Variants in IFT52 observed in about 807,000 individuals in gnomAD.
IFT52 encodes the protein intraflagellar transport protein 52 homolog.
In IFT52, 44 loss-of-function variants were observed where a neutral mutation model predicts 54.4. That is an observed-to-expected ratio of 0.81 (90% CI 0.63 to 1.04). The LOEUF (loss-of-function observed/expected upper bound fraction) is 1.04, where lower values mean the gene tolerates loss of function less well. Ranked by LOEUF, IFT52 falls within the 50% of genes least tolerant of loss-of-function variation. IFT52 has a pLI of 0.00. For synonymous variants in IFT52, 181 were observed against 185.3 expected, an observed-to-expected ratio of 0.98 and a Z score of 0.19; for missense variants, 452 against 523.6, an observed-to-expected ratio of 0.86 and a Z score of 1.33.
intron 1 of IFT52, among the ~76,000 whole-genome samples, chr20:43,593,354 G>C (rs964975733): frequency 1.3e-5 from 2 of 152,126 alleles, no homozygotes; most frequent in Non-Finnish European, 2.9e-5. Flanking sequence ...ATATAAATGA[G>C]TATAACTTTT....
At chr20:43,617,686 C>G (rs1051293245) in intron 7 of IFT52, among the ~76,000 whole-genome samples, 11 of 152,262 alleles carry the variant, frequency 7.2e-5, no homozygotes, top group African/African-American at 2.6e-4. Context: ...TCAAGTGATC[C>G]ACCCGCCTCG....
chr20:43,634,019 A>T (rs2145663599), intron 10 of IFT52, among the ~76,000 whole-genome samples: 1 of 152,112 alleles, frequency 6.6e-6, no homozygotes, highest in African/African-American at 2.4e-5. Context: ...TTTTTTAAAA[A>T]TTAGCAAGGC....
chr20:43,628,209 A>G (rs139795899), intron 10 of IFT52, among the ~76,000 whole-genome samples: 48 of 151,952 alleles, frequency 3.2e-4, no homozygotes, highest in African/African-American at 1.2e-3. Flanking sequence ...GATTACAGGC[A>G]TGAGCCACCA....
At chr20:43,617,208 T>A (rs141305102) in intron 7 of IFT52, among the ~76,000 whole-genome samples, 17 of 152,332 alleles carry the variant, frequency 1.1e-4, no homozygotes, top group African/African-American at 3.8e-4. Context: ...CAACTGGGCA[T>A]AGAATTTTTT....
chr20:43,599,983 C>T (rs1308179733), intron 3 of IFT52, among the ~76,000 whole-genome samples: 3 of 152,106 alleles, frequency 2.0e-5, no homozygotes, highest in Non-Finnish European at 4.4e-5. Flanking sequence ...AGCAATATAA[C>T]TTCCTAACTT....
At chr20:43,600,816 C>T (rs1982383926) in intron 3 of IFT52, among the ~76,000 whole-genome samples, 3 of 151,816 alleles carry the variant, frequency 2.0e-5, no homozygotes, top group African/African-American at 7.3e-5. Context: ...ACTGAAAATA[C>T]AAAAATTAGC....
intron 4 of IFT52, 126 bp downstream of exon 4, chr20:43,604,015 A>T: frequency 1.1e-6 from 1 of 922,234 alleles, no homozygotes; most frequent in Non-Finnish European, 1.7e-6. Flanking sequence ...TTAATGTTCC[A>T]TTCTCATCAG....
chr20:43,605,150 T>C, intron 6 of IFT52, 77 bp downstream of exon 6: 1 of 1,567,708 alleles, frequency 6.4e-7, no homozygotes, highest in South Asian at 1.2e-5. Context: ...AAAGAGCTTT[T>C]GTTTCTGGTT....
intron 3 of IFT52, among the ~76,000 whole-genome samples, chr20:43,602,214 G>C (rs111752057): frequency 6.6e-6 from 1 of 151,460 alleles, no homozygotes; most frequent in Admixed American, 6.6e-5. Context: ...CGCCAGGCTG[G>C]AGTGCATTGG....
intron 7 of IFT52, among the ~76,000 whole-genome samples, chr20:43,616,640 T>C (rs983547928): frequency 6.6e-6 from 1 of 152,016 alleles, no homozygotes; most frequent in Non-Finnish European, 1.5e-5. Flanking sequence ...ACAGCCCAGG[T>C]TGACATATTA....
chr20:43,612,574 C>T (rs1296470627), intron 6 of IFT52, among the ~76,000 whole-genome samples: 1 of 151,876 alleles, frequency 6.6e-6, no homozygotes, highest in Non-Finnish European at 1.5e-5. Flanking sequence ...CACCTGTGGT[C>T]CCAGCTACTC....
chr20:43,620,725 GC>G, intron 8 of IFT52, 131 bp from the exon 9 acceptor site: 1 of 646,348 alleles, frequency 1.5e-6, no homozygotes, highest in Non-Finnish European at 2.7e-6. Flanking sequence ...GACAAGGCTG[GC>G]TACCCTTTTC....
At chr20:43,633,904 A>G (rs2145663386) in intron 10 of IFT52, among the ~76,000 whole-genome samples, 1 of 151,992 alleles carries the variant, frequency 6.6e-6, no homozygotes, top group Admixed American at 6.6e-5. Flanking sequence ...TGGCTCATGC[A>G]TGTAATCCCA....
intron 10 of IFT52, among the ~76,000 whole-genome samples, chr20:43,629,523 C>T (rs112261258): frequency 0.013 from 1,935 of 152,266 alleles, 46 homozygotes; most frequent in African/African-American, 0.044. Flanking sequence ...CTGCCCGCCT[C>T]GGCCTCCCAA....
intron 6 of IFT52, among the ~76,000 whole-genome samples, chr20:43,609,561 C>T (rs1026010927): frequency 6.6e-6 from 1 of 152,044 alleles, no homozygotes; most frequent in African/African-American, 2.4e-5. Context: ...CACCTGAGAT[C>T]AGGCGTTCAA....
Position 43,603,780 on chromosome 20 carries a change from T to C in IFT52, c.228T>C (p.Tyr76=). Reference sequence around the variant, plus strand: ...TGTAGTTTGAAATCCTGAAGAAATATCTTGACACTGGTGGAGATGTCTTTG... The same window carrying C: ...TGTAGTTTGAAATCCTGAAGAAATACCTTGACACTGGTGGAGATGTCTTTG... The part of the protein sequence containing the change: ...TAAEFEILKK[Y]LDTGGDVFVM... Residue 76 remains tyrosine (Y), a synonymous_variant, in exon 4 of 14, where the codon TAT becomes TAC. Coordinates refer to ENST00000373030, the MANE Select transcript of IFT52 (RefSeq NM_016004.5). 4 of 1,612,184 alleles carry C rather than the reference T, an allele frequency of 2.5e-6. No individual in the cohort carries two copies. Among genetic ancestry groups the C allele is most frequent in the South Asian group, 1.1e-5 (1 of 90,510 alleles).
At chr20:43,602,220 A>G (rs1295455689) in intron 3 of IFT52, among the ~76,000 whole-genome samples, 1 of 151,378 alleles carries the variant, frequency 6.6e-6, no homozygotes, top group East Asian at 1.9e-4. Flanking sequence ...GCTGGAGTGC[A>G]TTGGCGCATT....
At chr20:43,607,990 A>G (rs895009082) in intron 6 of IFT52, among the ~76,000 whole-genome samples, 12 of 152,216 alleles carry the variant, frequency 7.9e-5, no homozygotes, top group Non-Finnish European at 1.8e-4. Flanking sequence ...ACCAAAAAAA[A>G]TACGAAAACC....
intron 6 of IFT52, 96 bp downstream of exon 6, chr20:43,605,169 A>C: frequency 6.5e-7 from 1 of 1,538,514 alleles, no homozygotes. Flanking sequence ...TTACAAAAAT[A>C]ATCAGAATTT....
Sources: allele counts gnomAD v4.1 joint callset (sites outside exome capture counted in the v4.1 genomes callset), GRCh38; gene constraint gnomAD v4.1.1; transcripts MANE v1.5; gene names NCBI Gene and HGNC (gene_info 2026-07-23, HGNC 2026-07-21).